RFX8: variants seen among roughly 807,000 people sequenced by gnomAD.
RFX8 encodes the protein DNA-binding protein RFX8.
A neutral mutation model predicts 54.6 loss-of-function variants in RFX8; 46 were observed. The ratio of observed to expected loss-of-function variants is 0.84; its 90% CI spans 0.67 to 1.08. The LOEUF is 1.08. RFX8 is among the 50% of genes least tolerant of loss of function. The pLI, the probability that RFX8 is intolerant of heterozygous loss-of-function variation, is 0.00. For missense variants in RFX8, 536 were observed against 562.3 expected, an observed-to-expected ratio of 0.95 and a Z score of 0.47; for synonymous variants, 192 against 209.5, an observed-to-expected ratio of 0.92 and a Z score of 0.72.
chr2:101,457,923 T>C (rs954861127), intron 2 of RFX8, among the ~76,000 whole-genome samples: 1 of 152,224 alleles, frequency 6.6e-6, no homozygotes, highest in African/African-American at 2.4e-5. Flanking sequence ...TTTAAGACAG[T>C]TAGCTCTTCT....
At position 101,412,998 on chromosome 2, in the gene RFX8, TG is replaced by T. The variant is rs1558845357; in HGVS notation, c.634del (p.Gln212LysfsTer27). On this transcript the variant is annotated frameshift_variant, in exon 8 of 12. Transcript: ENST00000428343. LOFTEE classifies it high-confidence loss of function. ...LKSDLQAIIN[Q>X]GTLATSKKAL... ...TTTCTTAGAAGTAGCCAAAGTGCCT[TG>T]ATTGATGATGGCCTGTAGATCTGAC... The T allele has an allele frequency of 5.8e-6, 9 of 1,552,052 alleles. No individual in the cohort carries two copies. Among genetic ancestry groups the T allele is most frequent in the Non-Finnish European group, 7.8e-6 (9 of 1,147,052 alleles).
chr2:101,411,935 C>T (rs896101845), intron 8 of RFX8, among the ~76,000 whole-genome samples: 1 of 152,146 alleles, frequency 6.6e-6, no homozygotes, highest in Non-Finnish European at 1.5e-5. Flanking sequence ...ATTCTGTATC[C>T]GTCAAGTCAC....
chr2:101,451,556 G>C (rs1461874427), intron 2 of RFX8, among the ~76,000 whole-genome samples: 31 of 151,904 alleles, frequency 2.0e-4, no homozygotes, highest in Admixed American at 2.0e-3. Flanking sequence ...GGGCGTGGTG[G>C]CAGGCGCCTG....
chr2:101,436,981 G>A (rs1007756526), intron 2 of RFX8, among the ~76,000 whole-genome samples: 1 of 152,242 alleles, frequency 6.6e-6, no homozygotes, highest in African/African-American at 2.4e-5. Flanking sequence ...GTCAGCGGAA[G>A]AAACCCTGAG....
chr2:101,440,817 C>T (rs891692166), intron 2 of RFX8, among the ~76,000 whole-genome samples: 3 of 152,088 alleles, frequency 2.0e-5, no homozygotes, highest in African/African-American at 7.2e-5. Flanking sequence ...ACGGCTCCAG[C>T]GTTACTCGAG....
At chr2:101,423,083 C>T (rs571026811) in intron 2 of RFX8, among the ~76,000 whole-genome samples, 1 of 152,136 alleles carries the variant, frequency 6.6e-6, no homozygotes, top group African/African-American at 2.4e-5. Flanking sequence ...CATGGTGAAA[C>T]CCTGTCTCTA....
At chr2:101,459,420 T>C (rs570692095) in intron 2 of RFX8, among the ~76,000 whole-genome samples, 3 of 152,334 alleles carry the variant, frequency 2.0e-5, no homozygotes, top group African/African-American at 4.8e-5. Flanking sequence ...TTTTTGTTGA[T>C]GTTCATGTTA....
chr2:101,437,869 C>T (rs1422455106), intron 2 of RFX8, among the ~76,000 whole-genome samples: 2 of 151,774 alleles, frequency 1.3e-5, no homozygotes, highest in African/African-American at 2.4e-5. Flanking sequence ...GTTCATGTAT[C>T]CACCACCACA....
intron 2 of RFX8, among the ~76,000 whole-genome samples, chr2:101,454,793 A>G (rs2148977982): frequency 6.6e-6 from 1 of 152,300 alleles, no homozygotes; most frequent in African/African-American, 2.4e-5. Context: ...GATTCTGGAT[A>G]TTAGCCCTTT....
intron 11 of RFX8, among the ~76,000 whole-genome samples, chr2:101,398,959 T>C (rs115181531): frequency 0.011 from 1,745 of 152,304 alleles, 38 homozygotes; most frequent in African/African-American, 0.039. Context: ...ACCTTTATCT[T>C]AGAGGTGAAG....
At chr2:101,471,509 T>C (rs1347729274) in intron 1 of RFX8, among the ~76,000 whole-genome samples, 4 of 152,178 alleles carry the variant, frequency 2.6e-5, no homozygotes, top group African/African-American at 9.7e-5. Flanking sequence ...AAAGTCTATG[T>C]GGGAGATAGT....
chr2:101,421,785 G>T lies in RFX8; in HGVS notation c.184-8C>A. On this transcript the variant is annotated splice_polypyrimidine_tract_variant and splice_region_variant and intron_variant, in intron 3 of 11. Coordinates refer to ENST00000428343, the MANE Select transcript of RFX8 (RefSeq NM_001145664.2). The stretch of plus-strand genomic sequence containing the variant: ...GTCAGCAAGGAAGGCCATCTAGGAA[G>T]AATATGGAAAATTATTTCAGCATGT... The T allele has an allele frequency of 1.9e-6, 3 of 1,544,348 alleles. 1 individual carries two copies. The highest frequency in any genetic ancestry group is 2.4e-5 in the South Asian group (2 of 82,942).
At chr2:101,474,192 G>C (rs1690172949) in intron 1 of RFX8, 9 of 628,594 alleles carry the variant, frequency 1.4e-5, no homozygotes, top group Non-Finnish European at 2.5e-5. Context: ...CCAGGCGCCT[G>C]GCGGCTCACC....
intron 2 of RFX8, among the ~76,000 whole-genome samples, chr2:101,441,621 T>C (rs1688104301): frequency 6.6e-6 from 1 of 152,218 alleles, no homozygotes; most frequent in Non-Finnish European, 1.5e-5. Context: ...TATCCTGTTA[T>C]AAGCAACAGA....
chr2:101,467,929 CAG>C (rs1689669219), intron 1 of RFX8, among the ~76,000 whole-genome samples: 1 of 152,046 alleles, frequency 6.6e-6, no homozygotes, highest in Non-Finnish European at 1.5e-5. Context: ...ATTTATTTAG[CAG>C]AGACTTTACA....
chr2:101,405,296 G>A (rs1426733168), intron 10 of RFX8, among the ~76,000 whole-genome samples: 7 of 151,918 alleles, frequency 4.6e-5, no homozygotes, highest in Admixed American at 1.3e-4. Flanking sequence ...ACAAGCGTCC[G>A]CCACCGCGCC....
intron 2 of RFX8, among the ~76,000 whole-genome samples, chr2:101,429,275 T>A (rs1299637299): frequency 6.6e-6 from 1 of 152,216 alleles, no homozygotes; most frequent in Non-Finnish European, 1.5e-5. Context: ...GATATCGTCA[T>A]GGGTAGAATT....
rs548504807 is a variant in RFX8, at chr2:101,409,399, A to AT, written c.813+1219dup. Among the ~76,000 whole-genome samples the AT allele has an allele frequency of 1.4e-3, 215 of 149,512 alleles. 3 individuals are homozygous for AT. The highest frequency in any genetic ancestry group is 4.9e-3 in the African/African-American group (199 of 40,574). ...CATCACGCCCAGCTAATTTTTTTGT[A>AT]TTTTTTTTAGTAGAGACGGGGTTTC... On this transcript the variant is annotated intron_variant, in intron 9 of 11. Coordinates refer to ENST00000428343, the MANE Select transcript of RFX8 (RefSeq NM_001145664.2).
intron 1 of RFX8, among the ~76,000 whole-genome samples, chr2:101,471,194 C>T (rs1328385358): frequency 1.3e-5 from 2 of 151,776 alleles, no homozygotes; most frequent in Non-Finnish European, 2.9e-5. Flanking sequence ...ATTAGCTGGG[C>T]GCAGTGGTGC....
Sources: allele counts gnomAD v4.1 joint callset (sites outside exome capture counted in the v4.1 genomes callset), GRCh38; gene constraint gnomAD v4.1.1; transcripts MANE v1.5; gene names NCBI Gene and HGNC (gene_info 2026-07-23, HGNC 2026-07-21).